SLIT3: variants seen among roughly 807,000 people sequenced by gnomAD.
SLIT3 encodes the protein slit homolog 3 protein.
Under a neutral mutation model 184.0 loss-of-function variants are expected in SLIT3, and 68 were observed. That is an observed-to-expected ratio of 0.37 (90% CI 0.30 to 0.45). The LOEUF is 0.45. Ranked by LOEUF, SLIT3 falls within the 20% of genes least tolerant of loss-of-function variation. The pLI is 1.00. For missense variants in SLIT3, 1,707 were observed against 2,026.0 expected (o/e 0.84, Z 3.02); for synonymous variants, 831 against 828.6 (o/e 1.00, Z -0.05).
chr5:168,795,430 AG>A, intron 10 of SLIT3, 76 bp downstream of exon 10: 4 of 1,040,488 alleles, frequency 3.8e-6, no homozygotes, highest in South Asian at 2.5e-5. Context: ...TCACCTGGAC[AG>A]GTTGCCCACT....
chr5:168,694,915 G>A (rs776635752), intron 28 of SLIT3, among the ~76,000 whole-genome samples: 4 of 152,190 alleles, frequency 2.6e-5, no homozygotes, highest in East Asian at 1.9e-4. Flanking sequence ...CACTGCATCC[G>A]CCCCCACAGC....
chr5:168,668,318 G>T (rs573601723), intron 35 of SLIT3, among the ~76,000 whole-genome samples: 1 of 152,298 alleles, frequency 6.6e-6, no homozygotes, highest in African/African-American at 2.4e-5. Context: ...TGACTCAAAA[G>T]GGCTGGGGTG....
chr5:168,794,733 C>T (rs144421434), intron 10 of SLIT3, among the ~76,000 whole-genome samples: 29 of 152,284 alleles, frequency 1.9e-4, no homozygotes, highest in African/African-American at 6.5e-4. Flanking sequence ...TTTTCCAACA[C>T]AAGCCCCATC....
At chr5:169,140,461 C>A (rs1174302891) in intron 4 of SLIT3, among the ~76,000 whole-genome samples, 1 of 85,946 alleles carries the variant, frequency 1.2e-5, no homozygotes, top group African/African-American at 4.2e-5. Flanking sequence ...GCCTGGGCAA[C>A]AAGAGTGAAA....
intron 10 of SLIT3, among the ~76,000 whole-genome samples, chr5:168,792,688 A>G (rs1402512307): frequency 6.6e-6 from 1 of 152,212 alleles, no homozygotes; most frequent in African/African-American, 2.4e-5. Flanking sequence ...TGGCACAATA[A>G]TAGATAGCCC....
At chr5:169,108,042 T>TC (rs1760282606) in intron 4 of SLIT3, among the ~76,000 whole-genome samples, 1 of 152,074 alleles carries the variant, frequency 6.6e-6, no homozygotes, top group African/African-American at 2.4e-5. Context: ...CATACCTCTT[T>TC]CCCCCAGCAG....
At chr5:168,802,688 A>G (rs1001886581) in intron 9 of SLIT3, among the ~76,000 whole-genome samples, 1 of 152,248 alleles carries the variant, frequency 6.6e-6, no homozygotes, top group Admixed American at 6.5e-5. Context: ...TCTTTTGTGT[A>G]GGTAGCTCCA....
intron 29 of SLIT3, among the ~76,000 whole-genome samples, chr5:168,687,726 CT>C: frequency 6.6e-6 from 1 of 152,244 alleles, no homozygotes; most frequent in Middle Eastern, 3.4e-3. Flanking sequence ...ATATGATATG[CT>C]TTGTGTAGTG....
intron 4 of SLIT3, among the ~76,000 whole-genome samples, chr5:168,888,982 C>A (rs544706811): frequency 1.3e-5 from 2 of 152,304 alleles, no homozygotes; most frequent in East Asian, 1.9e-4. Context: ...TTCCTGTACT[C>A]TCAATACTAC....
rs1341231534 is a variant in SLIT3, at chr5:169,168,237, G to A, written c.413+25242C>T. Reference sequence around the variant, plus strand: ...AAACAGTTTCCAGAAAGTAGGCTATGCATCTTACAAAACTGTGATTTAGTA... The same window carrying A: ...AAACAGTTTCCAGAAAGTAGGCTATACATCTTACAAAACTGTGATTTAGTA... On this transcript the variant is annotated intron_variant, in intron 4 of 35. Transcript: ENST00000519560. Among the ~76,000 whole-genome samples, 3 of 152,190 alleles carry A rather than the reference G, an allele frequency of 2.0e-5. No homozygotes were observed. The East Asian group carries it at 5.8e-4, about 29-fold the overall frequency.
At chr5:169,254,768 C>T (rs1246914215) in intron 1 of SLIT3, among the ~76,000 whole-genome samples, 11 of 152,194 alleles carry the variant, frequency 7.2e-5, no homozygotes, top group East Asian at 5.8e-4. Flanking sequence ...GGGAGAGATG[C>T]CAGCCCTGGC....
Position 169,175,393 on chromosome 5 carries a change from G to A in SLIT3, c.413+18086C>T, listed in dbSNP as rs185466506. Among the ~76,000 whole-genome samples the A allele has an allele frequency of 2.7e-3, 414 of 152,268 alleles. 3 individuals are homozygous for A. The highest frequency in any genetic ancestry group is 4.5e-3 in the Non-Finnish European group (304 of 68,020). On this transcript the variant is annotated intron_variant, in intron 4 of 35. Coordinates refer to ENST00000519560, the MANE Select transcript of SLIT3 (RefSeq NM_003062.4). ...TCCTAGTACACAGAAAGGTTAATGG[G>A]TTAGGCAATTTGGGTTATCAGCGCC...
chr5:168,820,396 A>G lies in SLIT3; in HGVS notation c.629+2864T>C, dbSNP rs1465821537. Reference sequence around the variant, plus strand: ...TTTCTGACTTTGACTTCGGGTGGCAATTTAACTCTGGGCCTCAGTGTTATC... The same window carrying G: ...TTTCTGACTTTGACTTCGGGTGGCAGTTTAACTCTGGGCCTCAGTGTTATC... On this transcript the variant is annotated intron_variant, in intron 7 of 35. Coordinates refer to ENST00000519560, the MANE Select transcript of SLIT3 (RefSeq NM_003062.4). 5.3e-5 allele frequency among the ~76,000 whole-genome samples: 8 copies of G among 152,264 alleles called. No homozygotes were observed. The East Asian group carries it at 1.2e-3, about 22-fold the overall frequency.
At chr5:169,215,692 C>A (rs4868390) in intron 3 of SLIT3, among the ~76,000 whole-genome samples, 4,139 of 152,194 alleles carry the variant, frequency 0.027, 205 homozygotes, top group African/African-American at 0.095. Context: ...GATCAGAATG[C>A]TTTGTACATC....
chr5:169,080,717 G>A (rs1759000685), intron 4 of SLIT3, among the ~76,000 whole-genome samples: 1 of 152,138 alleles, frequency 6.6e-6, no homozygotes, highest in Non-Finnish European at 1.5e-5. Context: ...GGGCTGACCT[G>A]ACTGACTGTT....
chr5:168,767,287 A>G (rs1266259803), intron 14 of SLIT3, among the ~76,000 whole-genome samples: 1 of 152,214 alleles, frequency 6.6e-6, no homozygotes, highest in Non-Finnish European at 1.5e-5. Flanking sequence ...GAGCTAGGCT[A>G]AAGTTCCCAC....
intron 4 of SLIT3, among the ~76,000 whole-genome samples, chr5:169,081,421 C>T (rs1017166807): frequency 6.6e-6 from 1 of 152,136 alleles, no homozygotes; most frequent in African/African-American, 2.4e-5. Flanking sequence ...TCTCCGTAAA[C>T]CTGCCATGCC....
chr5:169,061,606 G>C (rs944035814), intron 4 of SLIT3, among the ~76,000 whole-genome samples: 2 of 152,162 alleles, frequency 1.3e-5, no homozygotes, highest in Admixed American at 6.5e-5. Context: ...TACTACAAGG[G>C]CTCTAACTGA....
chr5:168,821,470 A>G lies in SLIT3; in HGVS notation c.629+1790T>C, dbSNP rs77220591. Among the ~76,000 whole-genome samples, 80 of 152,308 alleles carry G rather than the reference A, an allele frequency of 5.3e-4. 1 individual carries two copies. In the East Asian group the frequency reaches 0.015, roughly 28 times the overall value. On this transcript the variant is annotated intron_variant, in intron 7 of 35. Transcript: ENST00000519560. ...TTCTTGCCCAGAAGCCCTGGGTCCCACTTTTCCCCAGCTCATCTGTGGTTT... is the reference window on the plus strand; with the variant it reads ...TTCTTGCCCAGAAGCCCTGGGTCCCGCTTTTCCCCAGCTCATCTGTGGTTT...
Sources: allele counts gnomAD v4.1 joint callset (sites outside exome capture counted in the v4.1 genomes callset), GRCh38; gene constraint gnomAD v4.1.1; transcripts MANE v1.5; gene names NCBI Gene and HGNC (gene_info 2026-07-23, HGNC 2026-07-21).